Variants in SIN3B observed in about 807,000 individuals in gnomAD.
SIN3B encodes paired amphipathic helix protein Sin3b.
SIN3B carries 19 observed loss-of-function variants against 120.2 expected under a neutral mutation model. That is an observed-to-expected ratio of 0.16 (90% CI 0.11 to 0.23). The LOEUF (loss-of-function observed/expected upper bound fraction) is 0.23, where lower values mean the gene tolerates loss of function less well. Ranked by LOEUF, SIN3B falls within the 10% of genes least tolerant of loss-of-function variation. The pLI, the probability that SIN3B is intolerant of heterozygous loss-of-function variation, is 1.00. For missense variants in SIN3B, 1,073 were observed against 1,573.0 expected (o/e 0.68, Z 5.38); for synonymous variants, 654 against 653.2 (o/e 1.00, Z -0.02).
In SIN3B at chr19:16,850,874, A is replaced by T. The variant is rs530007995; in HGVS notation, c.727-538A>T. Among the ~76,000 whole-genome samples, 3 of 152,310 alleles carry T rather than the reference A, an allele frequency of 2.0e-5. No homozygotes were observed. In the East Asian group the frequency reaches 5.8e-4, roughly 29 times the overall value. ...GCTGGAGCCTGGGAGGCAGGCCCCGAACCAGCCACGAGCCCCACTCTGCTC... is the reference window on the plus strand; with the variant it reads ...GCTGGAGCCTGGGAGGCAGGCCCCGTACCAGCCACGAGCCCCACTCTGCTC... On this transcript the variant is annotated intron_variant, in intron 5 of 18. Coordinates refer to ENST00000248054, the MANE Select transcript of SIN3B (RefSeq NM_001297595.2).
Position 16,870,218 on chromosome 19 carries a change from C to A in SIN3B, c.2422+143C>A, listed in dbSNP as rs908160166. Reference sequence around the variant, plus strand: ...GTGATTTCAAATGGGAAATTGCAAACAGGAAGTTGCCAGCATAAGACAGAG... The same window carrying A: ...GTGATTTCAAATGGGAAATTGCAAAAAGGAAGTTGCCAGCATAAGACAGAG... On this transcript the variant is annotated intron_variant, in intron 13 of 18. Coordinates refer to ENST00000248054, the MANE Select transcript of SIN3B (RefSeq NM_001297595.2). 1.9e-5 allele frequency: 20 copies of A among 1,051,404 alleles called. No homozygotes were observed. In the South Asian group the frequency reaches 3.4e-4, roughly 18 times the overall value. The allele number at this position is 1,051,404 out of a possible 1,614,324, so 65.1% of individuals were successfully genotyped here.
chr19:16,859,512 G>T (rs546235519), intron 8 of SIN3B, among the ~76,000 whole-genome samples: 56 of 152,288 alleles, frequency 3.7e-4, no homozygotes, highest in Admixed American at 5.9e-4. Context: ...GACCCTCATG[G>T]GTCAAGCTGA....
At chr19:16,865,333 C>A in intron 10 of SIN3B, 77 bp from the exon 11 acceptor site, 2 of 560,666 alleles carry the variant, frequency 3.6e-6, no homozygotes, top group Non-Finnish European at 3.1e-6. Context: ...ATCCTCTGGT[C>A]TCTGAGGTCC....
intron 5 of SIN3B, among the ~76,000 whole-genome samples, chr19:16,848,785 G>A (rs1166202871): frequency 1.3e-5 from 2 of 152,204 alleles, no homozygotes; most frequent in African/African-American, 4.8e-5. Context: ...ACAGGTGTGA[G>A]CCACTGCGCC....
At position 16,862,198 on chromosome 19, in the gene SIN3B, T is replaced by A. The variant is rs1971697891; in HGVS notation, c.1059-154T>A. ...CCCCGGGACTTGCAGTGACTTCCTG[T>A]GTATTGGATTCTTCCGCCTCTCATT... On this transcript the variant is annotated intron_variant, in intron 8 of 18. Transcript: ENST00000248054. The surrounding 1 kb of genome is among the most constrained non-coding windows in gnomAD (Gnocchi z 4.7). Among the ~76,000 whole-genome samples the A allele has an allele frequency of 6.6e-6, 1 of 152,158 alleles. No individual in the cohort carries two copies. The highest frequency in any genetic ancestry group is 2.4e-5 in the African/African-American group (1 of 41,454).
intron 14 of SIN3B, among the ~76,000 whole-genome samples, chr19:16,875,207 TGTCTGGTCTGGTTTGGTCTG>T (rs1483899689): frequency 2.1e-5 from 3 of 141,336 alleles, no homozygotes; most frequent in Admixed American, 1.4e-4. Flanking sequence ...TGGTCTGGTC[TGTCTGGTCTGGTTTGGTCTG>T]GTCTGGTCTG....
rs147525056 is a variant in SIN3B at position 16,876,111 on chromosome 19, C to T, written c.2649C>T (p.Asn883=). 2.0e-4 allele frequency: 318 copies of T among 1,599,580 alleles called. No individual in the cohort carries two copies. The African/African-American group carries it at 2.6e-3, about 13-fold the overall frequency. Reference sequence around the variant, plus strand: ...TGAAGGTGGTGGAGCTCTACCTGAACGAGAAGAAGCGGGGTGCCGCTGGTG... The same window carrying T: ...TGAAGGTGGTGGAGCTCTACCTGAATGAGAAGAAGCGGGGTGCCGCTGGTG... ...VCLKVVELYL[N]EKKRGAAGGN... Residue 883 remains asparagine, a synonymous_variant, in exon 15 of 19, where the codon AAC becomes AAT. Coordinates refer to ENST00000248054, the MANE Select transcript of SIN3B (RefSeq NM_001297595.2). The surrounding 1 kb of genome is among the most constrained non-coding windows in gnomAD (Gnocchi z 7.1).
intron 14 of SIN3B, among the ~76,000 whole-genome samples, chr19:16,873,141 G>A (rs893894325): frequency 6.7e-6 from 1 of 148,752 alleles, no homozygotes; most frequent in South Asian, 2.2e-4. Flanking sequence ...GTGGGCTCAC[G>A]TTGCATTTCC....
chr19:16,844,774 C>CG (rs1712255733), intron 4 of SIN3B, among the ~76,000 whole-genome samples: 1 of 152,204 alleles, frequency 6.6e-6, no homozygotes, highest in Non-Finnish European at 1.5e-5. Flanking sequence ...CACAGCAAAT[C>CG]GGGTACTGAC....
In SIN3B at chr19:16,851,507, C is replaced by G; in HGVS notation, c.822C>G (p.Leu274=). ...EHSRKRSRPS[L]LRPVSAPAKK... ...GCAGGAAGCGCTCCCGGCCCTCGCT[C>G]CTCCGCCCCGTGTCTGCACCCGCCA... Residue 274 remains leucine (L), a synonymous_variant, in exon 6 of 19, where the codon CTC becomes CTG. Coordinates refer to ENST00000248054, the MANE Select transcript of SIN3B (RefSeq NM_001297595.2). 6.2e-7 allele frequency: 1 copy of G among 1,606,516 alleles called. No individual in the cohort carries two copies. Among genetic ancestry groups the G allele is most frequent in the South Asian group, 1.1e-5 (1 of 89,550 alleles).
At chr19:16,829,983 G>GA in intron 2 of SIN3B, 86 bp downstream of exon 2, 1 of 853,554 alleles carries the variant, frequency 1.2e-6, no homozygotes, top group Non-Finnish European at 2.0e-6. Context: ...TCTCCAGCCT[G>GA]CCCCCTTAGC....
rs755246097 is a variant in SIN3B at position 16,851,396 on chromosome 19, C to T, written c.727-16C>T. 4 of 1,581,750 alleles carry T rather than the reference C, an allele frequency of 2.5e-6. No individual in the cohort carries two copies. Among genetic ancestry groups the T allele is most frequent in the South Asian group, 1.2e-5 (1 of 85,980 alleles). The stretch of plus-strand genomic sequence containing the variant: ...CCACGTCTCCGGTGCTGACCACCTC[C>T]CACATGTGTCCTTAGTTCACAGGAA... On this transcript the variant is annotated splice_polypyrimidine_tract_variant and intron_variant, in intron 5 of 18. Coordinates refer to ENST00000248054, the MANE Select transcript of SIN3B (RefSeq NM_001297595.2).
chr19:16,863,205 C>T (rs1599606111), intron 9 of SIN3B: 1 of 542,434 alleles, frequency 1.8e-6, no homozygotes, highest in South Asian at 2.3e-5. Context: ...AATCGGCCCT[C>T]CGGATCTGCA....
rs1404160353 is a variant in SIN3B at position 16,879,143 on chromosome 19, C to T, written c.*416C>T. ...TGGAGGGGGTCCATGTCCAAGAGAC[C>T]CTGACAAGGAAGGAGTTGAGCCCTG... On this transcript the variant is annotated 3_prime_UTR_variant, in exon 19 of 19. Coordinates refer to ENST00000248054, the MANE Select transcript of SIN3B (RefSeq NM_001297595.2). 1 of 203,308 alleles carries T rather than the reference C, an allele frequency of 4.9e-6. No homozygotes were observed. Among genetic ancestry groups the T allele is most frequent in the South Asian group, 1.3e-4 (1 of 7,972 alleles). The allele number at this position is 203,308 out of a possible 1,614,324, so 12.6% of individuals were successfully genotyped here.
At position 16,851,456 on chromosome 19, in the gene SIN3B, C is replaced by T. The variant is rs552051465; in HGVS notation, c.771C>T (p.Asn257=). 1.2e-5 allele frequency: 19 copies of T among 1,609,740 alleles called. No homozygotes were observed. Among genetic ancestry groups the T allele is most frequent in the Middle Eastern group, 1.6e-4 (1 of 6,072 alleles). The part of the protein sequence containing the change: ...GPCEMHSVQK[N]EHDKTPEHSR... The stretch of plus-strand genomic sequence containing the variant: ...GCGAGATGCACAGCGTGCAGAAGAA[C>T]GAGCACGACAAGACCCCGGAGCACA... Residue 257 remains asparagine (N), a synonymous_variant, in exon 6 of 19, where the codon AAC becomes AAT. Transcript: ENST00000248054.
intron 8 of SIN3B, among the ~76,000 whole-genome samples, chr19:16,859,592 T>G (rs2144605556): frequency 6.6e-6 from 1 of 152,306 alleles, no homozygotes; most frequent in East Asian, 1.9e-4. Context: ...CAGTGGGTTT[T>G]CTTTCTTGGG....
intron 6 of SIN3B, 106 bp downstream of exon 6, chr19:16,851,640 T>C: frequency 7.1e-7 from 1 of 1,403,112 alleles, no homozygotes; most frequent in South Asian, 1.5e-5. Context: ...GGTTCGGGGC[T>C]GGACCGGGGG....
intron 17 of SIN3B, among the ~76,000 whole-genome samples, 188 bp downstream of exon 17, chr19:16,877,827 A>G (rs1407240092): frequency 2.6e-5 from 4 of 152,092 alleles, no homozygotes; most frequent in Admixed American, 2.6e-4. Context: ...TAACCCCAGG[A>G]CGGTGAGGTG....
intron 3 of SIN3B, among the ~76,000 whole-genome samples, chr19:16,839,575 A>T (rs1971391209): frequency 6.6e-6 from 1 of 151,948 alleles, no homozygotes; most frequent in South Asian, 2.1e-4. Context: ...TCTGAAACAG[A>T]CCTTGGCTCC....
Sources: gnomAD v4.1 joint callset for allele counts (sites outside exome capture counted in the v4.1 genomes callset) on GRCh38, gnomAD v4.1.1 for gene constraint, Gnocchi (gnomAD v3.1) non-coding constraint, MANE v1.5 for transcripts, NCBI Gene and HGNC (gene_info 2026-07-23, HGNC 2026-07-21) for gene names.